Variants in ANXA8 observed in about 807,000 individuals in gnomAD.
ANXA8 encodes the protein VAC-beta.
Under a neutral mutation model 26.8 loss-of-function variants are expected in ANXA8, and 9 were observed. That is an observed-to-expected ratio of 0.34 (90% CI 0.20 to 0.59). The LOEUF is 0.59. ANXA8 is among the 20% of genes least tolerant of loss of function. The pLI, the probability that ANXA8 is intolerant of heterozygous loss-of-function variation, is 0.84. For synonymous variants in ANXA8, 39 were observed against 94.8 expected (o/e 0.41, Z 3.42); for missense variants, 83 against 238.5 (o/e 0.35, Z 4.29).
chr10:47,989,398 C>T, the ANXA8 span, among the ~76,000 whole-genome samples: 8 of 120,836 alleles, frequency 6.6e-5, 1 homozygote, highest in South Asian at 1.4e-3. Flanking sequence ...CATGCAGTCC[C>T]GCAGGGGTGC....
chr10:47,916,675 G>A, the ANXA8 span, among the ~76,000 whole-genome samples: 1 of 136,202 alleles, frequency 7.3e-6, no homozygotes, highest in Non-Finnish European at 1.7e-5. Context: ...GGAGCTGTTT[G>A]CTGCTTTTAC....
chr10:47,667,748 G>GT, the ANXA8 span, among the ~76,000 whole-genome samples: 2 of 150,450 alleles, frequency 1.3e-5, no homozygotes, highest in African/African-American at 2.5e-5. Context: ...GTTTTGTTTT[G>GT]TTTTTTTGAG....
chr10:47,647,688 A>G, the ANXA8 span, among the ~76,000 whole-genome samples: 3 of 148,882 alleles, frequency 2.0e-5, no homozygotes, highest in Admixed American at 6.6e-5. Flanking sequence ...AAAAGCATAT[A>G]AAGTCACTGA....
chr10:47,769,053 G>C, the ANXA8 span, among the ~76,000 whole-genome samples: 1 of 146,014 alleles, frequency 6.8e-6, no homozygotes, highest in African/African-American at 2.6e-5. Flanking sequence ...CTGACCACAG[G>C]CCCTACCCAG....
chr10:47,989,043 G>A, the ANXA8 span, among the ~76,000 whole-genome samples: 1 of 148,790 alleles, frequency 6.7e-6, no homozygotes, highest in Non-Finnish European at 1.5e-5. Context: ...TTATGTCATG[G>A]CTTCCTCAAC....
the ANXA8 span, chr10:47,969,991 T>C: frequency 6.6e-6 from 1 of 151,400 alleles, no homozygotes; most frequent in Non-Finnish European, 1.5e-5. Context: ...TTTAAATTTA[T>C]AAGCTTAAAT....
At chr10:47,587,531 G>A in the ANXA8 span, among the ~76,000 whole-genome samples, 1,406 of 146,514 alleles carry the variant, frequency 9.6e-3, 143 homozygotes, top group African/African-American at 0.036. Context: ...CACAACAATC[G>A]TCTGAAAGAA....
the ANXA8 span, among the ~76,000 whole-genome samples, chr10:47,657,107 A>G: frequency 6.6e-6 from 1 of 150,842 alleles, no homozygotes; most frequent in African/African-American, 2.4e-5. Context: ...CCCTTTCACA[A>G]TGACCTTCCC....
chr10:47,527,891 TAGAAG>T, the ANXA8 span, among the ~76,000 whole-genome samples: 1 of 149,082 alleles, frequency 6.7e-6, no homozygotes, highest in Non-Finnish European at 1.5e-5. Context: ...TTTTTGAGGT[TAGAAG>T]AGAAGGAAGA....
At chr10:47,928,936 CTT>C in the ANXA8 span, among the ~76,000 whole-genome samples, 20 of 89,530 alleles carry the variant, frequency 2.2e-4, 2 homozygotes, top group East Asian at 4.0e-3. Context: ...AAAATTAAGT[CTT>C]TTTTTTTTCT....
At chr10:47,562,958 T>C in the ANXA8 span, among the ~76,000 whole-genome samples, 2 of 138,730 alleles carry the variant, frequency 1.4e-5, no homozygotes, top group Middle Eastern at 3.8e-3. Flanking sequence ...TTGCCAGGCA[T>C]AGCGGCTCAT....
At chr10:47,743,463 C>T in the ANXA8 span, among the ~76,000 whole-genome samples, 2 of 123,298 alleles carry the variant, frequency 1.6e-5, no homozygotes, top group Non-Finnish European at 3.3e-5. Flanking sequence ...GCAGTGTTTG[C>T]CATAAAAATC....
the ANXA8 span, among the ~76,000 whole-genome samples, chr10:47,707,172 A>C: frequency 7.9e-6 from 1 of 126,406 alleles, no homozygotes; most frequent in Non-Finnish European, 1.6e-5. Flanking sequence ...AACCTCAAAA[A>C]AACAAAAAAA....
the ANXA8 span, among the ~76,000 whole-genome samples, chr10:47,718,412 G>T: frequency 7.7e-6 from 1 of 129,952 alleles, no homozygotes; most frequent in Non-Finnish European, 1.6e-5. Flanking sequence ...GGTTGAGACT[G>T]CAGTGAGTCA....
the ANXA8 span, among the ~76,000 whole-genome samples, chr10:47,777,760 A>G: frequency 0.015 from 2,138 of 146,922 alleles, 40 homozygotes; most frequent in African/African-American, 0.049. Flanking sequence ...GCATCAAACG[A>G]TGTATCCCTC....
the ANXA8 span, chr10:47,973,163 C>T: frequency 6.6e-6 from 1 of 150,426 alleles, no homozygotes; most frequent in Non-Finnish European, 1.5e-5. Context: ...AAGGATGCTG[C>T]AAGGCCTAAG....
chr10:47,527,941 G>A, the ANXA8 span, among the ~76,000 whole-genome samples: 54 of 149,248 alleles, frequency 3.6e-4, no homozygotes, highest in African/African-American at 1.1e-3. Flanking sequence ...GCACAGGTGC[G>A]TGCAATCCGG....
At chr10:47,951,684 G>A in the ANXA8 span, among the ~76,000 whole-genome samples, 13 of 150,100 alleles carry the variant, frequency 8.7e-5, no homozygotes, top group South Asian at 4.2e-4. Flanking sequence ...GGTGGTGTAC[G>A]CATGTAATCC....
At chr10:47,768,379 T>A in the ANXA8 span, among the ~76,000 whole-genome samples, 1 of 151,538 alleles carries the variant, frequency 6.6e-6, no homozygotes, top group East Asian at 1.9e-4. Context: ...ATTAATATGC[T>A]AAATTGATGT....
Sources: gnomAD v4.1 joint callset for allele counts (sites outside exome capture counted in the v4.1 genomes callset) on GRCh38, gnomAD v4.1.1 for gene constraint, MANE v1.5 for transcripts, NCBI Gene and HGNC (gene_info 2026-07-23, HGNC 2026-07-21) for gene names.